The following ZNF518A variants were observed in gnomAD, a reference collection of about 807,000 sequenced individuals.
ZNF518A encodes zinc finger protein 518A, also known as zinc finger protein 518.
A neutral mutation model predicts 102.7 loss-of-function variants in ZNF518A; 47 were observed. That is an observed-to-expected ratio of 0.46 (90% CI 0.36 to 0.58). The LOEUF (loss-of-function observed/expected upper bound fraction) is 0.58, where lower values mean the gene tolerates loss of function less well. ZNF518A is among the 20% of genes least tolerant of loss of function. The pLI, the probability that ZNF518A is intolerant of heterozygous loss-of-function variation, is 0.00. For missense variants in ZNF518A, 1,793 were observed against 1,699.8 expected, an observed-to-expected ratio of 1.05 and a Z score of -0.96; for synonymous variants, 652 against 594.6, an observed-to-expected ratio of 1.10 and a Z score of -1.40.
intron 1 of ZNF518A, among the ~76,000 whole-genome samples, chr10:96,194,165 T>C (rs1472396904): frequency 6.6e-6 from 1 of 152,130 alleles, no homozygotes; most frequent in African/African-American, 2.4e-5. Flanking sequence ...GAGTTCAAAA[T>C]TTGTGAGAGA....
In ZNF518A at chr10:96,160,751, C is replaced by T. The variant is rs1451919213; in HGVS notation, c.4429C>T (p.Arg1477Trp). 9 of 1,593,830 alleles carry T rather than the reference C, an allele frequency of 5.6e-6. No homozygotes were observed. Among genetic ancestry groups the T allele is most frequent in the African/African-American group, 1.4e-5 (1 of 73,728 alleles). The change falls in exon 6 of 6, where the codon CGG (arginine) becomes TGG (tryptophan). Residue 1477 changes from arginine to tryptophan, a missense_variant. Arg to Trp is a moderately radical substitution (Grantham distance 101). This residue lies in a region of ZNF518A where 22 missense variants were observed against 16.0 expected (regional missense o/e 1.37). Coordinates refer to ENST00000316045, the MANE Select transcript of ZNF518A (RefSeq NM_001330736.2). ...HGQRHLMEAT[R>W]DWNMLE is the part of the protein sequence containing the mutation. ...GCAGAGACATTTAATGGAAGCTACT[C>T]GGGATTGGAACATGTTAGAATAGTT...
chr10:96,199,357 TTTTGTTTG>T (rs112983493), intron 1 of ZNF518A: 1 of 252,566 alleles, frequency 4.0e-6, no homozygotes, highest in South Asian at 4.3e-5. Flanking sequence ...TCCAGGTATT[TTTTGTTTG>T]TTTGTTTGTT....
chr10:96,142,673 A>G (rs1426428303), intron 3 of ZNF518A, among the ~76,000 whole-genome samples: 2 of 151,980 alleles, frequency 1.3e-5, no homozygotes, highest in Non-Finnish European at 2.9e-5. Context: ...TTTGACTTTT[A>G]ATTATTTTAG....
At chr10:96,203,859 C>T (rs1554896781) in intron 2 of ZNF518A, 5 of 426,488 alleles carry the variant, frequency 1.2e-5, no homozygotes, top group Non-Finnish European at 2.1e-5. Context: ...AAAATTGCCT[C>T]AAATATATTT....
At position 96,160,799 on chromosome 10, in the gene ZNF518A, A is replaced by G. The variant is rs782172915; in HGVS notation, c.*25A>G. 23 of 1,503,190 alleles carry G rather than the reference A, an allele frequency of 1.5e-5. No homozygotes were observed. The highest frequency in any genetic ancestry group is 3.5e-4 in the Middle Eastern group (2 of 5,654). The allele number at this position is 1,503,190 out of a possible 1,614,324, so 93.1% of individuals were successfully genotyped here. A position where few individuals can be genotyped will look rare whatever the true frequency, so the allele number is the denominator to read the frequency against. ...GTTTACCATAATTACCAAGGAAAAGAAAAGTAAAATTACCTTAGAAGAAAA... is the reference window on the plus strand; with the variant it reads ...GTTTACCATAATTACCAAGGAAAAGGAAAGTAAAATTACCTTAGAAGAAAA... On this transcript the variant is annotated 3_prime_UTR_variant, in exon 6 of 6. Coordinates refer to ENST00000316045, the MANE Select transcript of ZNF518A (RefSeq NM_001330736.2).
Position 96,192,085 on chromosome 10 carries a change from C to T in ZNF518A, n.36-11489C>T, listed in dbSNP as rs782365175. 5.0e-6 allele frequency: 8 copies of T among 1,613,532 alleles called. No individual in the cohort carries two copies. In the Admixed American group the frequency reaches 1.0e-4, roughly 20 times the overall value. ...ATTCCTGATGATTTCAGCAACACTT[C>T]CAAAGTACTAGAGGAAGAAAACATA... On this transcript the variant is annotated intron_variant and non_coding_transcript_variant, in intron 1 of 2. Coordinates refer to the ZNF518A transcript ENST00000442635.
Position 96,159,489 on chromosome 10 carries a change from C to T in ZNF518A, c.3167C>T (p.Thr1056Met), listed in dbSNP as rs1554886127. Residue 1056 changes from threonine to methionine, a missense_variant, in exon 6 of 6, where the codon ACG becomes ATG. Physicochemically the swap from Thr to Met is moderately conservative, Grantham distance 81. Coordinates refer to ENST00000316045, the MANE Select transcript of ZNF518A (RefSeq NM_001330736.2). The part of the protein sequence containing the change: ...PLKGPYILKP[T>M]SSVKAVLIPN... Reference sequence around the variant, plus strand: ...AAAGGCCCTTACATTTTGAAACCAACGAGTTCTGTGAAAGCTGTTCTTATT... The same window carrying T: ...AAAGGCCCTTACATTTTGAAACCAATGAGTTCTGTGAAAGCTGTTCTTATT... 1.9e-6 allele frequency: 3 copies of T among 1,613,804 alleles called. No individual in the cohort carries two copies. The highest frequency in any genetic ancestry group is 2.2e-5 in the East Asian group (1 of 44,884).
intron 1 of ZNF518A, among the ~76,000 whole-genome samples, chr10:96,171,089 A>C (rs2083170651): frequency 6.6e-6 from 1 of 151,816 alleles, no homozygotes; most frequent in Non-Finnish European, 1.5e-5. Context: ...TGTTGGTGGG[A>C]ATGCAAAATG....
intron 3 of ZNF518A, among the ~76,000 whole-genome samples, chr10:96,152,922 A>T (rs1554880892): frequency 1.3e-5 from 2 of 152,214 alleles, no homozygotes; most frequent in South Asian, 4.1e-4. Context: ...ACATAAATAC[A>T]TGAGAGGGGA....
chr10:96,164,458 T>C (rs1554889625), downstream of ZNF518A, among the ~76,000 whole-genome samples: 3 of 128,988 alleles, frequency 2.3e-5, no homozygotes, highest in Non-Finnish European at 5.6e-5. Context: ...GAGTATGGCA[T>C]TAGTGGAAAC....
At chr10:96,165,691 T>A (rs782310553), downstream of ZNF518A, among the ~76,000 whole-genome samples, 1 of 152,206 alleles carries the variant, frequency 6.6e-6, no homozygotes, top group African/African-American at 2.4e-5. Context: ...TTTACCATTC[T>A]TTCTATCCTC....
Position 96,156,850 on chromosome 10 carries a change from A to G in ZNF518A, c.528A>G (p.Leu176=), listed in dbSNP as rs1554882811. 1 of 1,613,886 alleles carries G rather than the reference A, an allele frequency of 6.2e-7. No homozygotes were observed. The highest frequency in any genetic ancestry group is 8.5e-7 in the Non-Finnish European group (1 of 1,179,804). The change falls in exon 6 of 6, where the codon TTA becomes TTG. Residue 176 remains leucine, a synonymous_variant. Coordinates refer to ENST00000316045, the MANE Select transcript of ZNF518A (RefSeq NM_001330736.2). ...ACAGACGAACCCATAGAAGCACTTT[A>G]GTAAAATGTGACATTTGTAACAATG... The part of the protein sequence containing the change: ...KQHRRTHRST[L]VKCDICNNES...
At chr10:96,151,398 T>C (rs1486247931) in intron 3 of ZNF518A, 1 of 152,260 alleles carries the variant, frequency 6.6e-6, no homozygotes, top group East Asian at 1.9e-4. Flanking sequence ...AATGTCCTCT[T>C]TGCATCTCTC....
intron 1 of ZNF518A, among the ~76,000 whole-genome samples, chr10:96,179,094 G>T (rs2083223116): frequency 1.3e-5 from 2 of 152,034 alleles, no homozygotes; most frequent in Admixed American, 1.3e-4. Context: ...TGAAGACATT[G>T]TAAGTAAAGA....
At chr10:96,181,306 T>C (rs1305045921) in intron 1 of ZNF518A, among the ~76,000 whole-genome samples, 1 of 152,240 alleles carries the variant, frequency 6.6e-6, no homozygotes, top group Non-Finnish European at 1.5e-5. Context: ...GCCTGTTCAC[T>C]CTGATGGTAG....
chr10:96,177,873 G>A (rs1372831376), intron 1 of ZNF518A, among the ~76,000 whole-genome samples: 1 of 151,764 alleles, frequency 6.6e-6, no homozygotes, highest in East Asian at 1.9e-4. Context: ...ATGATACTAG[G>A]GATAAAAAGA....
downstream of ZNF518A, among the ~76,000 whole-genome samples, chr10:96,165,401 C>G (rs981227257): frequency 2.0e-5 from 3 of 151,346 alleles, no homozygotes; most frequent in African/African-American, 4.9e-5. Context: ...GCCACCATGC[C>G]CAGCCAGTAA....
At chr10:96,170,249 G>A (rs2083165938) in intron 1 of ZNF518A, among the ~76,000 whole-genome samples, 1 of 152,170 alleles carries the variant, frequency 6.6e-6, no homozygotes, top group Non-Finnish European at 1.5e-5. Flanking sequence ...TGCCCCAGTT[G>A]TTATCTGTCA....
At position 96,157,283 on chromosome 10, in the gene ZNF518A, G is replaced by C. The variant is rs1489408330; in HGVS notation, c.961G>C (p.Gly321Arg). 1 of 1,612,104 alleles carries C rather than the reference G, an allele frequency of 6.2e-7. No homozygotes were observed. The highest frequency in any genetic ancestry group is 1.3e-5 in the African/African-American group (1 of 74,994). The part of the protein sequence containing the change: ...LKLILKRYKI[G>R]ASRKTFWKRK... ...GCTAATACTGAAAAGATATAAAATA[G>C]GTGCATCAAGGAAGACGTTCTGGAA... Residue 321 changes from glycine (G) to arginine (R), a missense_variant, in exon 6 of 6, where the codon GGT becomes CGT. By Grantham distance (125) the Gly-to-Arg change is moderately radical. Coordinates refer to ENST00000316045, the MANE Select transcript of ZNF518A (RefSeq NM_001330736.2).
Sources: gnomAD v4.1 joint callset for allele counts (sites outside exome capture counted in the v4.1 genomes callset) on GRCh38, gnomAD v4.1.1 for gene constraint, gnomAD v4.1.1 regional missense constraint, MANE v1.5 for transcripts, NCBI Gene and HGNC (gene_info 2026-07-23, HGNC 2026-07-21) for gene names.